NRCAM: variants seen among roughly 807,000 people sequenced by gnomAD.
NRCAM encodes the protein NgCAM-related cell adhesion molecule.
NRCAM carries 83 observed loss-of-function variants against 156.5 expected under a neutral mutation model. The observed-to-expected ratio is 0.53, with a 90% CI of 0.44 to 0.64. The LOEUF (loss-of-function observed/expected upper bound fraction) is 0.64, where lower values mean the gene tolerates loss of function less well. Among genes scored for constraint, NRCAM ranks in the 30% least tolerant of loss-of-function variants. The probability of loss-of-function intolerance (pLI) is 0.00; values close to 1 mark genes in which losing one functional copy is unlikely to be tolerated. For synonymous variants in NRCAM, 538 were observed against 563.9 expected, an observed-to-expected ratio of 0.95 and a Z score of 0.65; for missense variants, 1,417 against 1,597.3, an observed-to-expected ratio of 0.89 and a Z score of 1.92.
intron 3 of NRCAM, among the ~76,000 whole-genome samples, chr7:108,257,983 C>T (rs74774442): frequency 0.13 from 20,129 of 152,134 alleles, 1,677 homozygotes; most frequent in Middle Eastern, 0.23. Context: ...TCAAAGTCAA[C>T]GCTACTGACT....
chr7:108,438,960 A>G (rs1317737265), intron 1 of NRCAM, among the ~76,000 whole-genome samples: 2 of 152,204 alleles, frequency 1.3e-5, no homozygotes, highest in Non-Finnish European at 2.9e-5. Flanking sequence ...AGCATTGTTA[A>G]GAGAACATGA....
intron 2 of NRCAM, among the ~76,000 whole-genome samples, chr7:108,371,617 T>A (rs1313577354): frequency 6.6e-6 from 1 of 152,142 alleles, no homozygotes; most frequent in Non-Finnish European, 1.5e-5. Flanking sequence ...GTGTTGAATA[T>A]CTCTAGGTGT....
At chr7:108,188,928 T>C (rs1406934201) in intron 20 of NRCAM, among the ~76,000 whole-genome samples, 2 of 150,798 alleles carry the variant, frequency 1.3e-5, no homozygotes, top group Admixed American at 1.3e-4. Flanking sequence ...TGCCTGAAGG[T>C]AATAATGTAT....
At position 108,360,135 on chromosome 7, in the gene NRCAM, C is replaced by T. The variant is rs547760499; in HGVS notation, c.-174+39301G>A. ...TAAATGTAATTTCAGCAGCATATTTCAGGGAAGTGGTTATCTGTAGAAATG... is the reference window on the plus strand; with the variant it reads ...TAAATGTAATTTCAGCAGCATATTTTAGGGAAGTGGTTATCTGTAGAAATG... On this transcript the variant is annotated intron_variant, in intron 2 of 32. Coordinates refer to ENST00000379028, the MANE Select transcript of NRCAM (RefSeq NM_001037132.4). Among the ~76,000 whole-genome samples the T allele has an allele frequency of 1.6e-3, 242 of 152,226 alleles. 1 individual carries two copies. The highest frequency in any genetic ancestry group is 4.8e-3 in the South Asian group (23 of 4,828).
chr7:108,197,716 T>G (rs569419176), intron 14 of NRCAM, among the ~76,000 whole-genome samples: 1 of 152,200 alleles, frequency 6.6e-6, no homozygotes, highest in East Asian at 1.9e-4. Context: ...CATCTGTAAG[T>G]AGAACAGCTT....
intron 2 of NRCAM, among the ~76,000 whole-genome samples, chr7:108,348,019 C>A (rs1023536403): frequency 6.6e-6 from 1 of 152,222 alleles, no homozygotes; most frequent in African/African-American, 2.4e-5. Context: ...CAGGATGGAG[C>A]TCCTTGAGGC....
chr7:108,415,882 CA>C (rs1290743578), intron 1 of NRCAM, among the ~76,000 whole-genome samples: 1 of 152,122 alleles, frequency 6.6e-6, no homozygotes, highest in South Asian at 2.1e-4. Context: ...AACTCCCTCT[CA>C]AAAAACAAAC....
intron 26 of NRCAM, 137 bp from the exon 27 acceptor site, chr7:108,176,743 A>G: frequency 1.6e-6 from 1 of 642,210 alleles, no homozygotes; most frequent in Non-Finnish European, 2.7e-6. Flanking sequence ...TTTCCCCAGC[A>G]TAACTAAGTG....
chr7:108,191,875 A>G (rs755574508), intron 17 of NRCAM, 22 bp from the exon 18 acceptor site: 1 of 1,608,042 alleles, frequency 6.2e-7, no homozygotes, highest in Non-Finnish European at 8.5e-7. Flanking sequence ...ATGCATTCAG[A>G]GCAGCTGAAA....
rs61489479 is a variant in NRCAM at position 108,200,737 on chromosome 7, TACACACACACACACACACACACACAC to T, written c.1208-2664_1208-2639del. 5.3e-3 allele frequency among the ~76,000 whole-genome samples: 715 copies of T among 135,068 alleles called. 4 individuals carry two copies. The highest frequency in any genetic ancestry group is 9.5e-3 in the Non-Finnish European group (599 of 62,874). 88.6% of individuals were successfully genotyped at this position (135,068 alleles called of 152,430 possible). Reference sequence around the variant, plus strand: ...ATCAATCAATGAGTGGATAAAGAAATACACACACACACACACACACACACACACACACACACACACACACACACTAT... The same window carrying T: ...ATCAATCAATGAGTGGATAAAGAAATACACACACACACACACACACACTAT... On this transcript the variant is annotated intron_variant, in intron 13 of 32. Transcript: ENST00000379028.
intron 3 of NRCAM, among the ~76,000 whole-genome samples, chr7:108,253,573 TATTGA>T (rs983730085): frequency 2.6e-5 from 4 of 152,232 alleles, no homozygotes; most frequent in African/African-American, 9.6e-5. Context: ...TAAATGCTGT[TATTGA>T]GTTTTGTTTT....
chr7:108,282,961 C>T (rs1369575172), intron 3 of NRCAM, among the ~76,000 whole-genome samples: 1 of 152,168 alleles, frequency 6.6e-6, no homozygotes, highest in Non-Finnish European at 1.5e-5. Context: ...GACCTGGGCA[C>T]CAGGATTTCT....
intron 2 of NRCAM, among the ~76,000 whole-genome samples, chr7:108,338,614 A>T (rs933738193): frequency 2.0e-5 from 3 of 151,246 alleles, no homozygotes; most frequent in Non-Finnish European, 2.9e-5. Flanking sequence ...GACAGAGAGG[A>T]GAGAGACACA....
chr7:108,240,068 C>T lies in NRCAM; in HGVS notation c.-4G>A, dbSNP rs1407467793. On this transcript the variant is annotated 5_prime_UTR_variant, in exon 4 of 33. Transcript: ENST00000379028. ...TCGGCATTATTTTAAGCTGCATTAGCTTAACTCCTGCTGAGACTCACACAC... is the reference window on the plus strand; with the variant it reads ...TCGGCATTATTTTAAGCTGCATTAGTTTAACTCCTGCTGAGACTCACACAC... The T allele has an allele frequency of 5.0e-6, 8 of 1,602,370 alleles. No individual in the cohort carries two copies. The South Asian group carries it at 8.8e-5, about 18-fold the overall frequency.
intron 26 of NRCAM, 196 bp from the exon 27 acceptor site, chr7:108,176,802 T>C (rs1310000790): frequency 7.9e-6 from 4 of 505,430 alleles, no homozygotes; most frequent in South Asian, 5.7e-5. Context: ...TCGTATCATA[T>C]CATATCATAT....
At chr7:108,350,274 A>T (rs1321135763) in intron 2 of NRCAM, among the ~76,000 whole-genome samples, 1 of 152,208 alleles carries the variant, frequency 6.6e-6, no homozygotes. Flanking sequence ...GCTCATGGTG[A>T]TAGACATTAT....
chr7:108,312,325 A>T (rs976391593), intron 3 of NRCAM, among the ~76,000 whole-genome samples: 3 of 152,166 alleles, frequency 2.0e-5, no homozygotes, highest in Non-Finnish European at 4.4e-5. Context: ...ATTCCCTATA[A>T]TTTTTAATCT....
intron 2 of NRCAM, among the ~76,000 whole-genome samples, chr7:108,337,576 A>AT (rs1468057845): frequency 1.3e-5 from 2 of 152,156 alleles, no homozygotes; most frequent in Non-Finnish European, 2.9e-5. Context: ...GTTCATCCTA[A>AT]TTGAGCTGAA....
At chr7:108,273,284 A>G (rs2097445280) in intron 3 of NRCAM, among the ~76,000 whole-genome samples, 1 of 152,150 alleles carries the variant, frequency 6.6e-6, no homozygotes, top group Admixed American at 6.5e-5. Flanking sequence ...GGCTGGGTCA[A>G]ATGGTATTTC....
Sources: gnomAD v4.1 joint callset for allele counts (sites outside exome capture counted in the v4.1 genomes callset) on GRCh38, gnomAD v4.1.1 for gene constraint, MANE v1.5 for transcripts, NCBI Gene and HGNC (gene_info 2026-07-23, HGNC 2026-07-21) for gene names.